CNBD1: variants seen among roughly 807,000 people sequenced by gnomAD.
The protein encoded by CNBD1 is cyclic nucleotide binding domain containing 1, also known as cyclic nucleotide-binding domain-containing protein 1.
CNBD1 carries 71 observed loss-of-function variants against 54.4 expected under a neutral mutation model. The ratio of observed to expected loss-of-function variants is 1.30; its 90% CI spans 1.08 to 1.59. CNBD1 has a LOEUF of 1.59. Ranked by LOEUF, CNBD1 falls within the 40% of genes most tolerant of loss-of-function variation. CNBD1 has a pLI of 0.00. For synonymous variants in CNBD1, 182 were observed against 170.7 expected (o/e 1.07, Z -0.51); for missense variants, 659 against 518.0 (o/e 1.27, Z -2.64).
intron 8 of CNBD1, among the ~76,000 whole-genome samples, chr8:87,340,817 T>C (rs184003154): frequency 2.6e-5 from 4 of 152,218 alleles, no homozygotes; most frequent in Non-Finnish European, 4.4e-5. Flanking sequence ...TCACATATTG[T>C]TTTTCTTAGC....
At chr8:87,145,360 GA>G in intron 4 of CNBD1, among the ~76,000 whole-genome samples, 1 of 152,216 alleles carries the variant, frequency 6.6e-6, no homozygotes, top group East Asian at 1.9e-4. Flanking sequence ...TTTCATGGAT[GA>G]AGGCAAAATA....
intron 4 of CNBD1, among the ~76,000 whole-genome samples, chr8:87,152,240 C>G (rs1812619878): frequency 6.6e-6 from 1 of 151,736 alleles, no homozygotes. Flanking sequence ...AGTATAGTTA[C>G]AGAGGGAAGG....
At chr8:87,354,339 T>G (rs1290800490) in intron 10 of CNBD1, among the ~76,000 whole-genome samples, 1 of 152,136 alleles carries the variant, frequency 6.6e-6, no homozygotes, top group Admixed American at 6.6e-5. Context: ...CAGGGGTACT[T>G]GGTGGATCCC....
intron 8 of CNBD1, among the ~76,000 whole-genome samples, chr8:87,302,719 T>C (rs975576049): frequency 2.0e-5 from 3 of 151,876 alleles, no homozygotes; most frequent in African/African-American, 4.8e-5. Flanking sequence ...GATGACATGA[T>C]TGTATATTTA....
chr8:86,866,928 T>C lies in CNBD1; in HGVS notation c.88+345T>C, dbSNP rs143959404. Among the ~76,000 whole-genome samples the C allele has an allele frequency of 3.9e-5, 6 of 152,308 alleles. No individual in the cohort carries two copies. In the East Asian group the frequency reaches 9.6e-4, roughly 24 times the overall value. On this transcript the variant is annotated intron_variant, in intron 1 of 10. Coordinates refer to ENST00000518476, the MANE Select transcript of CNBD1 (RefSeq NM_173538.3). ...AGGTTCCTTTTTCTAGCAGATCTTC[T>C]ACTCCCTACCAAGAGTTGGTCCTAC... is the stretch of plus-strand genomic sequence containing the variant.
At chr8:87,332,238 T>C (rs147938179) in intron 8 of CNBD1, among the ~76,000 whole-genome samples, 1,773 of 152,104 alleles carry the variant, frequency 0.012, 15 homozygotes, top group Non-Finnish European at 0.02. Context: ...ATTCCAGTTA[T>C]TCTGGAGGCT....
At chr8:87,021,614 T>G (rs147683376) in intron 4 of CNBD1, among the ~76,000 whole-genome samples, 2 of 152,352 alleles carry the variant, frequency 1.3e-5, no homozygotes, top group Non-Finnish European at 2.9e-5. Context: ...TCACAATACC[T>G]GGAGACACTT....
intron 2 of CNBD1, among the ~76,000 whole-genome samples, chr8:87,426,051 G>T (rs1037488420): frequency 6.6e-6 from 1 of 152,198 alleles, no homozygotes; most frequent in East Asian, 1.9e-4. Flanking sequence ...TCGGAAAATC[G>T]CAGTATTTGG....
intron 8 of CNBD1, among the ~76,000 whole-genome samples, chr8:87,343,521 C>G (rs1030123187): frequency 6.6e-6 from 1 of 152,118 alleles, no homozygotes; most frequent in Admixed American, 6.5e-5. Context: ...CTTCCCGCAA[C>G]AAAAAACAGA....
chr8:87,140,281 AC>A (rs1812346094), intron 4 of CNBD1, among the ~76,000 whole-genome samples: 1 of 152,178 alleles, frequency 6.6e-6, no homozygotes, highest in Non-Finnish European at 1.5e-5. Context: ...TACTGAAATA[AC>A]AAATAATGTG....
intron 1 of CNBD1, among the ~76,000 whole-genome samples, chr8:86,871,549 A>G (rs1808444011): frequency 6.6e-6 from 1 of 152,230 alleles, no homozygotes; most frequent in Non-Finnish European, 1.5e-5. Context: ...TTTCATGATT[A>G]AGCTAAAATC....
intron 6 of CNBD1, among the ~76,000 whole-genome samples, chr8:87,276,639 G>A (rs1186836715): frequency 6.6e-6 from 1 of 151,776 alleles, no homozygotes; most frequent in Non-Finnish European, 1.5e-5. Flanking sequence ...CAGTCCCCTT[G>A]CTGAGAACAA....
intron 4 of CNBD1, among the ~76,000 whole-genome samples, chr8:87,147,952 A>G (rs1445743978): frequency 6.6e-6 from 1 of 152,144 alleles, no homozygotes; most frequent in Non-Finnish European, 1.5e-5. Context: ...TTCTTTATGC[A>G]GGATACCTTT....
intron 4 of CNBD1, among the ~76,000 whole-genome samples, chr8:86,945,032 G>C (rs1807433747): frequency 6.6e-6 from 1 of 151,808 alleles, no homozygotes; most frequent in Non-Finnish European, 1.5e-5. Context: ...CAAATCATCT[G>C]ATGCTCTCAC....
At chr8:87,297,163 CAAAAAA>C (rs555582073) in intron 8 of CNBD1, among the ~76,000 whole-genome samples, 44 of 88,694 alleles carry the variant, frequency 5.0e-4, no homozygotes, top group Middle Eastern at 5.6e-3. Context: ...GGGTCCGTCT[CAAAAAA>C]AAAAAAAAAA....
chr8:87,065,985 C>A lies in CNBD1; in HGVS notation c.431+126231C>A, dbSNP rs184525787. Among the ~76,000 whole-genome samples, 3 of 152,084 alleles carry A rather than the reference C, an allele frequency of 2.0e-5. No individual in the cohort carries two copies. The East Asian group carries it at 5.8e-4, about 29-fold the overall frequency. On this transcript the variant is annotated intron_variant, in intron 4 of 10. Transcript: ENST00000518476. ...CCAGAGAAGTACGGATGATTAGAGA[C>A]TATGAACACCAATATAGTCTTGTAG...
chr8:87,232,756 T>A (rs935052187), intron 5 of CNBD1, among the ~76,000 whole-genome samples: 1 of 152,226 alleles, frequency 6.6e-6, no homozygotes, highest in Admixed American at 6.5e-5. Context: ...CAAACCAACT[T>A]GAGTAAAGAT....
chr8:86,956,297 T>C (rs1261619151), intron 4 of CNBD1, among the ~76,000 whole-genome samples: 2 of 151,888 alleles, frequency 1.3e-5, no homozygotes, highest in Non-Finnish European at 2.9e-5. Context: ...TGGCTTAGGA[T>C]TGTCTTGGCT....
At chr8:86,893,990 GTAC>G (rs1808810432) in intron 2 of CNBD1, among the ~76,000 whole-genome samples, 1 of 124,372 alleles carries the variant, frequency 8.0e-6, no homozygotes, top group African/African-American at 2.9e-5. Context: ...TCCACATTAT[GTAC>G]TACAAGTTAA....
Sources: allele counts gnomAD v4.1 joint callset (sites outside exome capture counted in the v4.1 genomes callset), GRCh38; gene constraint gnomAD v4.1.1; transcripts MANE v1.5; gene names NCBI Gene and HGNC (gene_info 2026-07-23, HGNC 2026-07-21).